The following RBM19 variants were observed in gnomAD, a reference collection of about 807,000 sequenced individuals.
RBM19 encodes the protein probable RNA-binding protein 19.
Under a neutral mutation model 116.8 loss-of-function variants are expected in RBM19, and 94 were observed. The ratio of observed to expected loss-of-function variants is 0.80; its 90% confidence interval spans 0.68 to 0.95. The LOEUF (loss-of-function observed/expected upper bound fraction) is 0.95, where lower values mean the gene tolerates loss of function less well. Ranked by LOEUF, RBM19 falls within the 40% of genes least tolerant of loss-of-function variation. The pLI is 0.00. For synonymous variants in RBM19, 475 were observed against 494.1 expected, an observed-to-expected ratio of 0.96 and a Z score of 0.51; for missense variants, 1,161 against 1,220.7, an observed-to-expected ratio of 0.95 and a Z score of 0.73.
chr12:113,950,245 A>G, intron 8 of RBM19, 91 bp from the exon 9 acceptor site: 1 of 1,053,882 alleles, frequency 9.5e-7, no homozygotes, highest in Non-Finnish European at 1.4e-6. Flanking sequence ...TGCTAGGAGC[A>G]GAAAGTGAGG....
chr12:113,917,715 A>G (rs1882852752), intron 20 of RBM19, among the ~76,000 whole-genome samples: 1 of 152,226 alleles, frequency 6.6e-6, no homozygotes, highest in Admixed American at 6.5e-5. Flanking sequence ...TCATTTTATC[A>G]CCCGATGCAA....
At chr12:113,966,035 G>C (rs1872838891) in intron 1 of RBM19, 157 bp downstream of exon 1, 2 of 771,168 alleles carry the variant, frequency 2.6e-6, no homozygotes, top group Admixed American at 2.5e-5. Flanking sequence ...GGATCAAATG[G>C]GGATAAGCCC....
intron 13 of RBM19, 65 bp downstream of exon 13, chr12:113,945,763 C>A (rs957610287): frequency 5.9e-6 from 8 of 1,364,342 alleles, no homozygotes; most frequent in Non-Finnish European, 8.2e-6. Context: ...TACAACGAGC[C>A]TCCTGCTCTT....
intron 7 of RBM19, among the ~76,000 whole-genome samples, chr12:113,953,446 C>T (rs1391471603): frequency 6.6e-6 from 1 of 152,162 alleles, no homozygotes; most frequent in African/African-American, 2.4e-5. Flanking sequence ...TGAGATTGCA[C>T]CATTGTACTC....
intron 1 of RBM19, among the ~76,000 whole-genome samples, chr12:113,963,069 C>T (rs1872635580): frequency 6.6e-6 from 1 of 152,152 alleles, no homozygotes; most frequent in South Asian, 2.1e-4. Flanking sequence ...AAGGCAGGTG[C>T]TTCTAGAAGC....
intron 18 of RBM19, among the ~76,000 whole-genome samples, chr12:113,922,614 CTT>C (rs200578515): frequency 0.044 from 6,295 of 143,278 alleles, 339 homozygotes; most frequent in Admixed American, 0.16. Flanking sequence ...TCAGCAATAA[CTT>C]TTTTTTTTTT....
At chr12:113,862,418 A>T (rs1284855475) in intron 21 of RBM19, among the ~76,000 whole-genome samples, 1 of 152,156 alleles carries the variant, frequency 6.6e-6, no homozygotes, top group African/African-American at 2.4e-5. Context: ...GCCAATACTA[A>T]TGATCTCAGA....
chr12:113,851,368 A>G (rs1877430668), intron 22 of RBM19, among the ~76,000 whole-genome samples: 1 of 152,204 alleles, frequency 6.6e-6, no homozygotes, highest in African/African-American at 2.4e-5. Context: ...TGAGGCAAAC[A>G]TGAGACGAGG....
chr12:113,826,423 G>C (rs1394496529), intron 23 of RBM19, among the ~76,000 whole-genome samples: 1 of 152,228 alleles, frequency 6.6e-6, no homozygotes, highest in Non-Finnish European at 1.5e-5. Context: ...GGGAGTGAAT[G>C]ACAGGGAAAA....
chr12:113,900,836 AAG>A (rs1222283505), intron 21 of RBM19, among the ~76,000 whole-genome samples: 1 of 152,212 alleles, frequency 6.6e-6, no homozygotes, highest in Non-Finnish European at 1.5e-5. Context: ...CAAAAAGGAG[AAG>A]AGTCTGCAAA....
chr12:113,876,026 G>A (rs115071942), intron 21 of RBM19, among the ~76,000 whole-genome samples: 1 of 151,634 alleles, frequency 6.6e-6, no homozygotes, highest in Non-Finnish European at 1.5e-5. Flanking sequence ...CTTGGGGTGG[G>A]TGTGGGGTGG....
intron 16 of RBM19, among the ~76,000 whole-genome samples, chr12:113,933,694 G>A (rs1318974186): frequency 1.3e-5 from 2 of 152,206 alleles, no homozygotes; most frequent in African/African-American, 2.4e-5. Flanking sequence ...CACTCTGACC[G>A]TAAACCACAG....
chr12:113,872,485 C>A, intron 21 of RBM19, among the ~76,000 whole-genome samples: 1 of 137,862 alleles, frequency 7.3e-6, no homozygotes, highest in African/African-American at 2.6e-5. Flanking sequence ...TGGGGAGCCC[C>A]TCTGCCCGGC....
At chr12:113,872,368 G>GC (rs1593513762) in intron 21 of RBM19, among the ~76,000 whole-genome samples, 9 of 145,914 alleles carry the variant, frequency 6.2e-5, no homozygotes, top group South Asian at 2.3e-4. Context: ...TCTCTGCCCG[G>GC]CAGCCACCCC....
chr12:113,847,626 G>A (rs1418068218), intron 22 of RBM19, among the ~76,000 whole-genome samples: 1 of 152,218 alleles, frequency 6.6e-6, no homozygotes, highest in Middle Eastern at 3.4e-3. Flanking sequence ...ACGGTGGGGT[G>A]GGGGTGGCCA....
chr12:113,909,703 T>G (rs562012648), intron 21 of RBM19, among the ~76,000 whole-genome samples: 2 of 152,102 alleles, frequency 1.3e-5, no homozygotes, highest in Non-Finnish European at 2.9e-5. Flanking sequence ...ACTGTGTATA[T>G]GGACAGGCTA....
In RBM19 at chr12:113,927,328, T is replaced by G. The variant is rs1414560345; in HGVS notation, c.2069-99A>C. 2.8e-6 allele frequency: 4 copies of G among 1,408,720 alleles called. No homozygotes were observed. In the African/African-American group the frequency reaches 4.3e-5, roughly 15 times the overall value. The allele number at this position is 1,408,720 out of a possible 1,614,324, so 87.3% of individuals were successfully genotyped here. On this transcript the variant is annotated intron_variant, in intron 16 of 23. Coordinates refer to ENST00000261741, the MANE Select transcript of RBM19 (RefSeq NM_016196.4). ...CTGGGGCCAACTGCAAAAAGCCCACTAGGTAAAGGGGTTCTGCCTCTGCGG... is the reference window on the plus strand; with the variant it reads ...CTGGGGCCAACTGCAAAAAGCCCACGAGGTAAAGGGGTTCTGCCTCTGCGG...
chr12:113,862,389 C>T (rs1314862282), intron 21 of RBM19, among the ~76,000 whole-genome samples: 5 of 151,802 alleles, frequency 3.3e-5, no homozygotes, highest in South Asian at 2.1e-4. Context: ...GCTTGTATAA[C>T]GGTGTGGGAT....
intron 21 of RBM19, among the ~76,000 whole-genome samples, chr12:113,863,211 CTGTG>C (rs3065431): frequency 9.0e-4 from 133 of 148,220 alleles, no homozygotes; most frequent in Admixed American, 1.1e-3. Context: ...ATACGTGTGT[CTGTG>C]TGTGTGTGTG....
Sources: allele counts gnomAD v4.1 joint callset (sites outside exome capture counted in the v4.1 genomes callset), GRCh38; gene constraint gnomAD v4.1.1; transcripts MANE v1.5; gene names NCBI Gene and HGNC (gene_info 2026-07-23, HGNC 2026-07-21).